The following COPZ1 variants were observed in gnomAD, a reference collection of about 807,000 sequenced individuals.
The protein encoded by COPZ1 is coatomer subunit zeta-1.
COPZ1 carries 4 observed loss-of-function variants against 31.7 expected under a neutral mutation model. That is an observed-to-expected ratio of 0.13 (90% CI 0.06 to 0.29). The LOEUF (loss-of-function observed/expected upper bound fraction) is 0.29, where lower values mean the gene tolerates loss of function less well. Among genes scored for constraint, COPZ1 ranks in the 10% least tolerant of loss-of-function variants. The probability of loss-of-function intolerance (pLI) is 1.00; values close to 1 mark genes in which losing one functional copy is unlikely to be tolerated. For synonymous variants in COPZ1, 74 were observed against 79.0 expected, an observed-to-expected ratio of 0.94 and a Z score of 0.33; for missense variants, 156 against 211.5, an observed-to-expected ratio of 0.74 and a Z score of 1.63.
In COPZ1 at chr12:54,351,457, C is replaced by T. The variant is rs909790517; in HGVS notation, c.*934C>T. 3 of 152,300 alleles carry T rather than the reference C, an allele frequency of 2.0e-5. No individual in the cohort carries two copies. Among genetic ancestry groups the T allele is most frequent in the African/African-American group, 4.8e-5 (2 of 41,428 alleles). 9.4% of individuals were successfully genotyped at this position (152,300 alleles called of 1,614,324 possible). On this transcript the variant is annotated 3_prime_UTR_variant, in exon 9 of 9. Coordinates refer to ENST00000262061, the MANE Select transcript of COPZ1 (RefSeq NM_016057.3). ...TTACTCTCTGCCGTGGGTCTGCAGT[C>T]GCTGCAACCTACCCTCTCTCTGCCT...
intron 1 of COPZ1, among the ~76,000 whole-genome samples, chr12:54,330,644 A>G (rs530254008): frequency 2.0e-5 from 3 of 152,290 alleles, no homozygotes; most frequent in South Asian, 4.1e-4. Context: ...GATGAGTGCA[A>G]TTATCCAGGT....
In COPZ1 at chr12:54,342,255, A is replaced by T. The variant is rs765825699; in HGVS notation, c.137A>T (p.Lys46Met). The T allele has an allele frequency of 6.2e-7, 1 of 1,614,004 alleles. No homozygotes were observed. The highest frequency in any genetic ancestry group is 8.5e-7 in the Non-Finnish European group (1 of 1,179,982). Residue 46 changes from lysine (K) to methionine (M), a missense_variant, in exon 3 of 9, where the codon AAG becomes ATG. By Grantham distance (95) the Lys-to-Met change is moderately conservative. Coordinates refer to ENST00000262061, the MANE Select transcript of COPZ1 (RefSeq NM_016057.3). ...PSVKEQKAFEKNIFNKTHRTD... is the reference protein window; with the variant it reads ...PSVKEQKAFEMNIFNKTHRTD... ...GTCAAGGAGCAAAAGGCCTTTGAGAAGAACATTTTCAACAAGACCCATCGG... is the reference window on the plus strand; with the variant it reads ...GTCAAGGAGCAAAAGGCCTTTGAGATGAACATTTTCAACAAGACCCATCGG...
chr12:54,350,556 CA>C lies in COPZ1; in HGVS notation c.*39del. 2 of 1,590,548 alleles carry C rather than the reference CA, an allele frequency of 1.3e-6. No individual in the cohort carries two copies. Among genetic ancestry groups the C allele is most frequent in the Non-Finnish European group, 1.7e-6 (2 of 1,158,566 alleles). ...ACTGTTCCTGGCTCTTCATCCTCTT[CA>C]AAAAATTTGCATGTCTGCTGTGAAT... On this transcript the variant is annotated 3_prime_UTR_variant, in exon 9 of 9. Transcript: ENST00000262061.
Position 54,343,108 on chromosome 12 carries a change from C to T in COPZ1, c.170-117C>T, listed in dbSNP as rs572700341. 94 of 791,544 alleles carry T rather than the reference C, an allele frequency of 1.2e-4. 2 individuals are homozygous for T. Among genetic ancestry groups the T allele is most frequent in the South Asian group, 1.0e-3 (70 of 66,996 alleles). 49.0% of individuals were successfully genotyped at this position (791,544 alleles called of 1,614,324 possible). A position where few individuals can be genotyped will look rare whatever the true frequency, so the allele number is the denominator to read the frequency against. On this transcript the variant is annotated intron_variant, in intron 3 of 8. Coordinates refer to ENST00000262061, the MANE Select transcript of COPZ1 (RefSeq NM_016057.3). ...CTGACCTTAGGTGATCCGCCAGGCTCGGCTTCCCAAGGTGCTGGGATTACA... is the reference window on the plus strand; with the variant it reads ...CTGACCTTAGGTGATCCGCCAGGCTTGGCTTCCCAAGGTGCTGGGATTACA...
At chr12:54,339,272 A>AG (rs1953927656) in intron 1 of COPZ1, among the ~76,000 whole-genome samples, 1 of 151,818 alleles carries the variant, frequency 6.6e-6, no homozygotes, top group African/African-American at 2.4e-5. Context: ...AAAAAAAAAA[A>AG]AAAAAGAAAG....
intron 1 of COPZ1, among the ~76,000 whole-genome samples, chr12:54,337,502 A>C (rs909318218): frequency 3.3e-5 from 5 of 152,200 alleles, no homozygotes; most frequent in African/African-American, 1.2e-4. Context: ...CTTTGCAAAA[A>C]CTTAAAATGA....
At chr12:54,338,768 T>G (rs1190233283) in intron 1 of COPZ1, among the ~76,000 whole-genome samples, 8 of 152,212 alleles carry the variant, frequency 5.3e-5, no homozygotes, top group Non-Finnish European at 1.2e-4. Context: ...AAACAAAAAT[T>G]GCAGTCCTCA....
At chr12:54,330,535 G>A (rs1953732301) in intron 1 of COPZ1, among the ~76,000 whole-genome samples, 1 of 152,152 alleles carries the variant, frequency 6.6e-6, no homozygotes, top group Admixed American at 6.6e-5. Flanking sequence ...TTATATCAAA[G>A]ATCTAGGGGA....
At chr12:54,349,975 A>G (rs1348938953) in intron 8 of COPZ1, 2 of 591,656 alleles carry the variant, frequency 3.4e-6, no homozygotes, top group Non-Finnish European at 6.0e-6. Flanking sequence ...GTCTGTGTGC[A>G]TTTGTGCACA....
intron 1 of COPZ1, among the ~76,000 whole-genome samples, chr12:54,336,191 G>C (rs917579665): frequency 2.0e-5 from 3 of 152,164 alleles, no homozygotes; most frequent in Non-Finnish European, 4.4e-5. Context: ...ATTGTGAACA[G>C]ACTTAATTCA....
intron 1 of COPZ1, among the ~76,000 whole-genome samples, chr12:54,332,446 G>C (rs1953774067): frequency 6.6e-6 from 1 of 151,796 alleles, no homozygotes; most frequent in South Asian, 2.1e-4. Context: ...GCCATTGAAA[G>C]CTGGAGGTGG....
In COPZ1 at chr12:54,342,648, C is replaced by G. The variant is rs1953990020; in HGVS notation, c.169+361C>G. The G allele has an allele frequency of 1.6e-5, 4 of 247,536 alleles. 1 individual carries two copies. The South Asian group carries it at 2.2e-4, about 14-fold the overall frequency. The allele number at this position is 247,536 out of a possible 1,614,324, so 15.3% of individuals were successfully genotyped here. A position where few individuals can be genotyped will look rare whatever the true frequency, so the allele number is the denominator to read the frequency against. On this transcript the variant is annotated intron_variant, in intron 3 of 8. Transcript: ENST00000262061. ...CGAAGGATCGACTAGTATCCTGTCTCATATACAAGTAGGGAAATAGGTATA... is the reference window on the plus strand; with the variant it reads ...CGAAGGATCGACTAGTATCCTGTCTGATATACAAGTAGGGAAATAGGTATA...
intron 4 of COPZ1, chr12:54,344,607 T>C (rs1385274560): frequency 6.6e-6 from 1 of 150,886 alleles, no homozygotes; most frequent in Non-Finnish European, 1.5e-5. Context: ...ACAACAAAAA[T>C]TAGCTGGGCG....
At chr12:54,338,903 C>A (rs1050093787) in intron 1 of COPZ1, among the ~76,000 whole-genome samples, 4 of 152,198 alleles carry the variant, frequency 2.6e-5, no homozygotes, top group Non-Finnish European at 5.9e-5. Context: ...TTGCATGGAA[C>A]CATAAACCTC....
At position 54,350,641 on chromosome 12, in the gene COPZ1, T is replaced by A; in HGVS notation, c.*118T>A. ...TCATCTCGGGGATCACAGGGATCCT[T>A]AAATCTCCATTCTGTTTGTGGTTGC... On this transcript the variant is annotated 3_prime_UTR_variant, in exon 9 of 9. Transcript: ENST00000262061. 2.4e-6 allele frequency: 2 copies of A among 836,232 alleles called. No individual in the cohort carries two copies. Among genetic ancestry groups the A allele is most frequent in the Non-Finnish European group, 4.1e-6 (2 of 482,082 alleles). The allele number at this position is 836,232 out of a possible 1,614,324, so 51.8% of individuals were successfully genotyped here. A position where few individuals can be genotyped will look rare whatever the true frequency, so the allele number is the denominator to read the frequency against.
intron 1 of COPZ1, among the ~76,000 whole-genome samples, chr12:54,332,426 A>C (rs1014995271): frequency 6.6e-6 from 1 of 151,842 alleles, no homozygotes; most frequent in African/African-American, 2.4e-5. Context: ...TTTCACAGTC[A>C]TCAAATTCAG....
intron 5 of COPZ1, chr12:54,346,482 AG>A (rs1954065391): frequency 3.7e-6 from 2 of 541,794 alleles, no homozygotes. Context: ...CATGTTGGCC[AG>A]GCTGGTCTTG....
rs760186739 is a variant in COPZ1 at position 54,342,244 on chromosome 12, G to C, written c.126G>C (p.Lys42Asn). The C allele has an allele frequency of 6.2e-7, 1 of 1,614,082 alleles. No homozygotes were observed. Among genetic ancestry groups the C allele is most frequent in the Non-Finnish European group, 8.5e-7 (1 of 1,179,978 alleles). Residue 42 changes from lysine to asparagine, a missense_variant, in exon 3 of 9, where the codon AAG becomes AAC. Transcript: ENST00000262061. ...CCTACCCCAGTGTCAAGGAGCAAAA[G>C]GCCTTTGAGAAGAACATTTTCAACA... ...DDTYPSVKEQ[K>N]AFEKNIFNKT...
chr12:54,334,481 T>G (rs1953818652), intron 1 of COPZ1, among the ~76,000 whole-genome samples: 1 of 152,094 alleles, frequency 6.6e-6, no homozygotes, highest in South Asian at 2.1e-4. Context: ...CTAATTCTTC[T>G]TTTCTTTTCA....
Sources: allele counts gnomAD v4.1 joint callset (sites outside exome capture counted in the v4.1 genomes callset), GRCh38; gene constraint gnomAD v4.1.1; transcripts MANE v1.5; gene names NCBI Gene and HGNC (gene_info 2026-07-23, HGNC 2026-07-21).